ENOSF1: variants seen among roughly 807,000 people sequenced by gnomAD.
ENOSF1 encodes enolase superfamily member 1.
Under a neutral mutation model 68.2 loss-of-function variants are expected in ENOSF1, and 73 were observed. The observed-to-expected ratio is 1.07, with a 90% CI of 0.89 to 1.30. ENOSF1 has a LOEUF of 1.30. Among genes scored for constraint, ENOSF1 ranks in the 50% most tolerant of loss-of-function variants. ENOSF1 has a pLI of 0.00. For missense variants in ENOSF1, 589 were observed against 554.5 expected (o/e 1.06, Z -0.62); for synonymous variants, 223 against 210.4 (o/e 1.06, Z -0.52).
chr18:670,896 C>T lies in ENOSF1; in HGVS notation c.*3409G>A, dbSNP rs757442255. 6 of 1,611,674 alleles carry T rather than the reference C, an allele frequency of 3.7e-6. No individual in the cohort carries two copies. The East Asian group carries it at 1.3e-4, about 36-fold the overall frequency. ...GGCTGTCTCGGGAAGGGTGACTTGCCAGCCTACCACACTGAGCTCTTCAGT... is the reference window on the plus strand; with the variant it reads ...GGCTGTCTCGGGAAGGGTGACTTGCTAGCCTACCACACTGAGCTCTTCAGT... On this transcript the variant is annotated 3_prime_UTR_variant, in exon 16 of 16. Coordinates refer to ENST00000647584, the MANE Select transcript of ENOSF1 (RefSeq NM_017512.7).
At chr18:682,979 T>C in intron 11 of ENOSF1, 1 of 430,750 alleles carries the variant, frequency 2.3e-6, no homozygotes, top group Non-Finnish European at 4.1e-6. Context: ...ACCATGTCTA[T>C]TAACCTTCAA....
Position 672,688 on chromosome 18 carries a change from C to CT in ENOSF1, c.*1616dup. The CT allele has an allele frequency of 1.7e-6, 1 of 588,512 alleles. No homozygotes were observed. The highest frequency in any genetic ancestry group is 2.8e-6 in the Non-Finnish European group (1 of 354,606). 36.5% of individuals were successfully genotyped at this position (588,512 alleles called of 1,614,324 possible). ...ACTCTCGATCTGTGCAAGAGAACAG[C>CT]TGGTTGCGCTCCAATCATGTTACAT... is the stretch of plus-strand genomic sequence containing the variant. On this transcript the variant is annotated 3_prime_UTR_variant, in exon 16 of 16. Transcript: ENST00000647584.
At chr18:696,158 CTT>C (rs2077688714) in intron 3 of ENOSF1, among the ~76,000 whole-genome samples, 1 of 150,338 alleles carries the variant, frequency 6.7e-6, no homozygotes, top group Admixed American at 6.6e-5. Flanking sequence ...TAAATTTGCT[CTT>C]CTCTTAATGT....
intron 2 of ENOSF1, among the ~76,000 whole-genome samples, chr18:703,185 G>A (rs116578567): frequency 0.02 from 3,002 of 152,242 alleles, 105 homozygotes; most frequent in African/African-American, 0.069. Flanking sequence ...TGATTTATCC[G>A]TGCCTGAGAC....
At chr18:666,917 ATGGAGATGGT>A (rs1357572829), downstream of ENOSF1, among the ~76,000 whole-genome samples, 8 of 72,638 alleles carry the variant, frequency 1.1e-4, 1 homozygote, top group Admixed American at 5.2e-4. Context: ...GGTGATGGTG[ATGGAGATGGT>A]GATGGTGATG....
chr18:703,663 C>T (rs1054381085), intron 2 of ENOSF1, among the ~76,000 whole-genome samples: 9 of 152,172 alleles, frequency 5.9e-5, no homozygotes, highest in Admixed American at 2.6e-4. Flanking sequence ...GTTTGCTCTT[C>T]GAGACTCACC....
rs763758268 is a variant in ENOSF1, at chr18:694,282, G to A, written c.362C>T (p.Ala121Val). 14 of 1,614,106 alleles carry A rather than the reference G, an allele frequency of 8.7e-6. No individual in the cohort carries two copies. Among genetic ancestry groups the A allele is most frequent in the South Asian group, 1.1e-5 (1 of 91,074 alleles). The change falls in exon 4 of 16, where the codon GCG becomes GTG. Residue 121 changes from alanine to valine, a missense_variant. Transcript: ENST00000647584. ...CTGCTTGGCCCACAAGTCCCACACC[G>A]CGTTTAGGACGGCCGCTGTCGCCAG... ...VHLATAAVLN[A>V]VWDLWAKQEG...
intron 12 of ENOSF1, 140 bp from the exon 13 acceptor site, chr18:678,012 G>C (rs1412187095): frequency 9.6e-7 from 1 of 1,036,522 alleles, no homozygotes; most frequent in African/African-American, 1.6e-5. Context: ...TTTCTTCTTT[G>C]TTCTCGCTGG....
At chr18:705,673 T>C (rs1011960347) in intron 2 of ENOSF1, among the ~76,000 whole-genome samples, 11 of 152,114 alleles carry the variant, frequency 7.2e-5, no homozygotes, top group African/African-American at 2.7e-4. Context: ...CAAAGCCCTT[T>C]TCGCCATGAA....
At chr18:690,252 A>G in intron 8 of ENOSF1, among the ~76,000 whole-genome samples, 1 of 151,116 alleles carries the variant, frequency 6.6e-6, no homozygotes, top group African/African-American at 2.5e-5. Flanking sequence ...AGTCAGAAGC[A>G]CAGGTGACAA....
At chr18:712,303 G>C in intron 1 of ENOSF1, 1 of 1,498,522 alleles carries the variant, frequency 6.7e-7, no homozygotes, top group South Asian at 1.2e-5. Flanking sequence ...GCTGCCCGGG[G>C]CCCGCAGAGC....
At chr18:712,335 G>T in intron 1 of ENOSF1, 169 bp downstream of exon 1, 2 of 1,535,144 alleles carry the variant, frequency 1.3e-6, no homozygotes, top group South Asian at 1.2e-5. Context: ...GGGCGGGAGG[G>T]ACCCGGGCCG....
intron 10 of ENOSF1, among the ~76,000 whole-genome samples, chr18:684,951 C>A (rs1047212542): frequency 6.6e-6 from 1 of 152,044 alleles, no homozygotes; most frequent in African/African-American, 2.4e-5. Context: ...GCCTCCAACT[C>A]CTGAGCTCAG....
chr18:677,714 C>G, intron 13 of ENOSF1, 29 bp downstream of exon 13: 2 of 1,600,012 alleles, frequency 1.2e-6, no homozygotes, highest in Non-Finnish European at 1.7e-6. Context: ...AAATGAAGGT[C>G]TGGTCTGCAG....
intron 8 of ENOSF1, among the ~76,000 whole-genome samples, chr18:689,443 G>C (rs2076936503): frequency 1.3e-5 from 2 of 152,036 alleles, no homozygotes; most frequent in Non-Finnish European, 2.9e-5. Flanking sequence ...ACCACGCCCA[G>C]ATAATTTTTT....
chr18:684,184 A>G (rs554258619), intron 10 of ENOSF1, among the ~76,000 whole-genome samples: 9 of 151,312 alleles, frequency 5.9e-5, no homozygotes, highest in South Asian at 2.1e-4. Context: ...TTTAGTAGAG[A>G]CGGGGTTTCA....
downstream of ENOSF1, chr18:669,121 C>CA: frequency 1.2e-6 from 2 of 1,614,196 alleles, no homozygotes; most frequent in Non-Finnish European, 1.7e-6. Flanking sequence ...TTGACACCAT[C>CA]AAAACCAACC....
chr18:700,362 GTTA>G (rs2078203553), intron 2 of ENOSF1, among the ~76,000 whole-genome samples: 1 of 152,164 alleles, frequency 6.6e-6, no homozygotes, highest in Admixed American at 6.5e-5. Flanking sequence ...AGTGAGGTAC[GTTA>G]TTATCGACAC....
chr18:677,654 C>T (rs2075649554), intron 13 of ENOSF1, 89 bp downstream of exon 13: 2 of 1,500,714 alleles, frequency 1.3e-6, no homozygotes, highest in Non-Finnish European at 8.9e-7. Context: ...ACTACAGACT[C>T]CCATGCATGT....
Sources: gnomAD v4.1 joint callset for allele counts (sites outside exome capture counted in the v4.1 genomes callset) on GRCh38, gnomAD v4.1.1 for gene constraint, MANE v1.5 for transcripts, NCBI Gene and HGNC (gene_info 2026-07-23, HGNC 2026-07-21) for gene names.